Variants in DNER observed in about 807,000 individuals in gnomAD.
The protein encoded by DNER is delta/notch like EGF repeat containing.
DNER carries 33 observed loss-of-function variants against 78.2 expected under a neutral mutation model. The ratio of observed to expected loss-of-function variants is 0.42; its 90% CI spans 0.32 to 0.56. The LOEUF (loss-of-function observed/expected upper bound fraction) is 0.56, where lower values mean the gene tolerates loss of function less well. Among genes scored for constraint, DNER ranks in the 20% least tolerant of loss-of-function variants. The pLI is 0.11. For synonymous variants in DNER, 417 were observed against 384.8 expected (o/e 1.08, Z -0.98); for missense variants, 918 against 975.3 (o/e 0.94, Z 0.78).
chr2:229,525,699 A>G (rs1574885418), intron 5 of DNER, among the ~76,000 whole-genome samples: 1 of 152,028 alleles, frequency 6.6e-6, no homozygotes, highest in Non-Finnish European at 1.5e-5. Context: ...TGCAACCTCC[A>G]CCTGCCAGGT....
chr2:229,395,802 G>A (rs1167447485), intron 10 of DNER, among the ~76,000 whole-genome samples: 1 of 152,160 alleles, frequency 6.6e-6, no homozygotes, highest in Non-Finnish European at 1.5e-5. Context: ...GGAGGCTGAG[G>A]CAGGAGAATC....
In DNER at chr2:229,687,888, C is replaced by T. The variant is rs142118205; in HGVS notation, c.276+26260G>A. Among the ~76,000 whole-genome samples, 72 of 152,306 alleles carry T rather than the reference C, an allele frequency of 4.7e-4. No homozygotes were observed. In the East Asian group the frequency reaches 8.3e-3, roughly 18 times the overall value. On this transcript the variant is annotated intron_variant, in intron 1 of 12. Transcript: ENST00000341772. ...CCAGATGGATTCCCAGTCAACTCTACCTTAACTGTCACCATTTCATTCCTT... is the reference window on the plus strand; with the variant it reads ...CCAGATGGATTCCCAGTCAACTCTATCTTAACTGTCACCATTTCATTCCTT...
intron 5 of DNER, among the ~76,000 whole-genome samples, chr2:229,528,220 T>C (rs1696241418): frequency 6.6e-6 from 1 of 152,210 alleles, no homozygotes; most frequent in Admixed American, 6.5e-5. Context: ...CGATGAGTGG[T>C]GGCAGAAACT....
intron 6 of DNER, among the ~76,000 whole-genome samples, chr2:229,490,082 G>C (rs1695366762): frequency 1.3e-5 from 2 of 152,172 alleles, no homozygotes; most frequent in Admixed American, 1.3e-4. Flanking sequence ...TGGACATATG[G>C]AAGGAGCAGC....
At position 229,388,297 on chromosome 2, in the gene DNER, G is replaced by A. The variant is rs368405241; in HGVS notation, c.1823C>T (p.Pro608Leu). 51 of 1,610,744 alleles carry A rather than the reference G, an allele frequency of 3.2e-5. No individual in the cohort carries two copies. The highest frequency in any genetic ancestry group is 1.7e-4 in the Middle Eastern group (1 of 6,048). Residue 608 changes from proline to leucine, a missense_variant, in exon 11 of 13, where the codon CCG (proline) becomes CTG (leucine). Physicochemically the swap from Pro to Leu is moderately conservative, Grantham distance 98. Transcript: ENST00000341772. ...DQPNGYNCHC[P>L]HGWVGANCEI... ...ACAGTTTGCTCCCACCCAACCATGCGGGCAGTGGCAGTTATAACCATTGGG... is the reference window on the plus strand; with the variant it reads ...ACAGTTTGCTCCCACCCAACCATGCAGGCAGTGGCAGTTATAACCATTGGG...
Position 229,447,509 on chromosome 2 carries a change from C to T in DNER, c.1293G>A (p.Val431=). ...GGCACGGAGACGAGGCGCAGGGGTC[C>T]ACCTTTTCTTCACAAGCAGATCCGA... ...GYFGSACEEK[V]DPCASSPCQN... Residue 431 remains valine, a synonymous_variant, in exon 8 of 13, where the codon GTG becomes GTA. Transcript: ENST00000341772. 6 of 1,614,154 alleles carry T rather than the reference C, an allele frequency of 3.7e-6. No individual in the cohort carries two copies. Among genetic ancestry groups the T allele is most frequent in the Non-Finnish European group, 5.1e-6 (6 of 1,180,028 alleles).
chr2:229,518,150 G>A (rs1311852578), intron 5 of DNER, among the ~76,000 whole-genome samples: 4 of 152,188 alleles, frequency 2.6e-5, no homozygotes, highest in Non-Finnish European at 5.9e-5. Context: ...ACATGATGAT[G>A]TCAGTCCTAC....
At chr2:229,629,408 G>A (rs1464145349) in intron 1 of DNER, among the ~76,000 whole-genome samples, 1 of 152,178 alleles carries the variant, frequency 6.6e-6, no homozygotes, top group African/African-American at 2.4e-5. Context: ...GACTTACTTA[G>A]GTGGCTCAAC....
chr2:229,394,766 A>G (rs2106338938), intron 10 of DNER, among the ~76,000 whole-genome samples: 1 of 152,372 alleles, frequency 6.6e-6, no homozygotes, highest in East Asian at 1.9e-4. Flanking sequence ...CAGCAAAAGC[A>G]AAGTAAAATG....
chr2:229,702,435 C>T (rs1371436618), intron 1 of DNER, among the ~76,000 whole-genome samples: 1 of 152,034 alleles, frequency 6.6e-6, no homozygotes, highest in Non-Finnish European at 1.5e-5. Context: ...ACTCGAGAGG[C>T]TGAGGCAGGA....
chr2:229,358,626 T>C lies in DNER; in HGVS notation c.2128A>G (p.Met710Val), dbSNP rs752186010. The part of the protein sequence containing the change: ...ARFGKKSRPA[M>V]YDVSPIAYED... ...TAGGCGATGGGGCTCACATCATACA[T>C]TGCAGGCCGGGATTTCTTTCCAAAC... Residue 710 changes from methionine (M) to valine (V), a missense_variant, in exon 13 of 13, where the codon ATG becomes GTG. Met to Val is a conservative substitution (Grantham distance 21). Transcript: ENST00000341772. 3.7e-6 allele frequency: 6 copies of C among 1,613,980 alleles called. No individual in the cohort carries two copies. Among genetic ancestry groups the C allele is most frequent in the East Asian group, 2.2e-5 (1 of 44,874 alleles).
Position 229,714,166 on chromosome 2 carries a change from G to T in DNER, c.258C>A (p.Ile86=). 1.5e-6 allele frequency: 2 copies of T among 1,326,266 alleles called. No individual in the cohort carries two copies. The highest frequency in any genetic ancestry group is 2.0e-5 in the South Asian group (1 of 50,202). The allele number at this position is 1,326,266 out of a possible 1,614,324, so 82.2% of individuals were successfully genotyped here. ...PGYSCTCPAG[I]SGANCQLVAD... ...CACTCACCTGGCAGTTGGCGCCGGA[G>T]ATCCCGGCGGGGCAGGTGCAGCTGT... Residue 86 remains isoleucine (I), a synonymous_variant, in exon 1 of 13, where the codon ATC becomes ATA. Transcript: ENST00000341772.
intron 1 of DNER, among the ~76,000 whole-genome samples, chr2:229,621,451 C>A (rs1038074077): frequency 2.6e-5 from 4 of 152,074 alleles, no homozygotes; most frequent in Admixed American, 1.3e-4. Context: ...TCCCACACTT[C>A]CCACCTGCTC....
chr2:229,358,975 T>C (rs111541443), intron 12 of DNER, among the ~76,000 whole-genome samples: 4 of 152,214 alleles, frequency 2.6e-5, no homozygotes, highest in African/African-American at 9.6e-5. Context: ...CTTTTTCTTC[T>C]GAGGCCCATA....
intron 4 of DNER, among the ~76,000 whole-genome samples, chr2:229,570,151 T>A (rs1032417421): frequency 9.2e-5 from 14 of 152,354 alleles, no homozygotes; most frequent in African/African-American, 3.4e-4. Flanking sequence ...TAATTCCTCC[T>A]GACTATTTAC....
chr2:229,636,960 C>T (rs59434242), intron 1 of DNER, among the ~76,000 whole-genome samples: 5,134 of 152,222 alleles, frequency 0.034, 218 homozygotes, highest in African/African-American at 0.099. Context: ...CTGAGTGGAA[C>T]TGACACTCTC....
At chr2:229,677,100 T>C (rs1699312237) in intron 1 of DNER, among the ~76,000 whole-genome samples, 2 of 152,158 alleles carry the variant, frequency 1.3e-5, no homozygotes, top group African/African-American at 4.8e-5. Flanking sequence ...ATTACTATCT[T>C]CTCCTCACAG....
At chr2:229,538,769 C>T (rs1435781816) in intron 5 of DNER, among the ~76,000 whole-genome samples, 1 of 152,062 alleles carries the variant, frequency 6.6e-6, no homozygotes, top group African/African-American at 2.4e-5. Context: ...AAACTCCCCA[C>T]CTCAGGTGAT....
chr2:229,470,247 A>G (rs1694895974), intron 7 of DNER, among the ~76,000 whole-genome samples: 2 of 152,170 alleles, frequency 1.3e-5, no homozygotes, highest in Admixed American at 1.3e-4. Flanking sequence ...AAAACCATCA[A>G]GGTATCATTT....
Sources: allele counts gnomAD v4.1 joint callset (sites outside exome capture counted in the v4.1 genomes callset), GRCh38; gene constraint gnomAD v4.1.1; transcripts MANE v1.5; gene names NCBI Gene and HGNC (gene_info 2026-07-23, HGNC 2026-07-21).